The following TSPAN6 variants were observed in gnomAD, a reference collection of about 807,000 sequenced individuals.
TSPAN6 encodes the protein tetraspanin-6.
TSPAN6 carries 13 observed loss-of-function variants against 18.0 expected under a neutral mutation model. The ratio of observed to expected loss-of-function variants is 0.72; its 90% CI spans 0.47 to 1.15. TSPAN6 has a LOEUF of 1.15. TSPAN6 is among the 50% of genes most tolerant of loss of function. The pLI is 0.00. For missense variants in TSPAN6, 186 were observed against 183.9 expected, an observed-to-expected ratio of 1.01 and a Z score of -0.07; for synonymous variants, 82 against 67.0, an observed-to-expected ratio of 1.22 and a Z score of -1.09.
At chrX:100,632,708 G>A (rs1035913819) in intron 5 of TSPAN6, 140 bp from the exon 6 acceptor site, 29 of 447,244 alleles carry the variant, frequency 6.5e-5, no homozygotes, top group African/African-American at 6.4e-4. Context: ...TACCTCTGCA[G>A]AAAGATGTAT....
intron 6 of TSPAN6, chrX:100,632,170 C>G: frequency 9.4e-6 from 2 of 213,806 alleles, no homozygotes; most frequent in Non-Finnish European, 1.7e-5. Context: ...TTTGGGAGGC[C>G]GAGGAGGGCG....
chrX:100,634,789 G>A (rs1602707882), intron 3 of TSPAN6, among the ~76,000 whole-genome samples: 2 of 111,826 alleles, frequency 1.8e-5, no homozygotes, highest in East Asian at 2.8e-4. Flanking sequence ...GTGAGCCAAC[G>A]CGCCCGGCCC....
intron 1 of TSPAN6, chrX:100,636,234 C>T: frequency 2.5e-6 from 2 of 812,012 alleles, no homozygotes; most frequent in Non-Finnish European, 3.0e-6. Flanking sequence ...AAGAAAGACA[C>T]TATTATGCAA....
intron 1 of TSPAN6, 26 bp from the exon 2 acceptor site, chrX:100,635,772 A>T: frequency 9.1e-7 from 1 of 1,095,513 alleles, no homozygotes; most frequent in African/African-American, 1.8e-5. Context: ...GAGAATACAA[A>T]CAGTTACGCA....
chrX:100,630,844 T>C lies in TSPAN6; in HGVS notation c.692A>G (p.Tyr231Cys). ...ATTTGTTATGGCACGAGAGAGGCAG[T>C]AGGCGAGAAAGATTCCAATCAGCTA... ...CFQLIGIFLA[Y>C]CLSRAITNNQ... Residue 231 changes from tyrosine to cysteine, a missense_variant, in exon 7 of 8, where the codon TAC becomes TGC. Tyr to Cys is a radical substitution (Grantham distance 194). Transcript: ENST00000373020. The C allele has an allele frequency of 1.7e-6, 2 of 1,209,294 alleles. No homozygotes were observed. The highest frequency in any genetic ancestry group is 2.2e-6 in the Non-Finnish European group (2 of 893,254).
Position 100,635,232 on chromosome X carries a change from G to A in TSPAN6, c.297C>T (p.Leu99=), listed in dbSNP as rs1237433998. Residue 99 remains leucine (L), a synonymous_variant, in exon 3 of 8, where the codon CTC becomes CTT. Transcript: ENST00000373020. ...MLKLYAMFLT[L]VFLVELVAAI... is the part of the protein sequence containing the mutation. ...CAGCGACCAGTTCGACCAAAAAAACGAGAGTCAGAAACATTGCATACTGCA... is the reference window on the plus strand; with the variant it reads ...CAGCGACCAGTTCGACCAAAAAAACAAGAGTCAGAAACATTGCATACTGCA... The A allele has an allele frequency of 2.5e-6, 3 of 1,196,136 alleles. No homozygotes were observed. Among genetic ancestry groups the A allele is most frequent in the East Asian group, 3.1e-5 (1 of 32,660 alleles).
chrX:100,630,885 C>T lies in TSPAN6; in HGVS notation c.670-19G>A. The T allele has an allele frequency of 8.9e-7, 1 of 1,121,512 alleles. No homozygotes were observed. Among genetic ancestry groups the T allele is most frequent in the Non-Finnish European group, 1.2e-6 (1 of 814,845 alleles). The allele number at this position is 1,121,512 out of a possible 1,213,427, so 92.4% of individuals were successfully genotyped here. A position where few individuals can be genotyped will look rare whatever the true frequency, so the allele number is the denominator to read the frequency against. On this transcript the variant is annotated intron_variant, in intron 6 of 7. Transcript: ENST00000373020. ...CAATCAGCTAGAAATAAAATAGGAA[C>T]AAAATTAAATACATACACAAAAGAA...
At chrX:100,633,798 T>A in intron 4 of TSPAN6, 133 bp downstream of exon 4, 1 of 513,758 alleles carries the variant, frequency 1.9e-6, no homozygotes, top group Non-Finnish European at 3.2e-6. Flanking sequence ...AGAGAACAGG[T>A]GCACATGTGA....
intron 5 of TSPAN6, 41 bp from the exon 6 acceptor site, chrX:100,632,609 C>A (rs1189699534): frequency 1.1e-6 from 1 of 943,727 alleles, no homozygotes; most frequent in South Asian, 2.2e-5. Flanking sequence ...ACAGCACAAG[C>A]AGCCTGTGCT....
At chrX:100,633,641 A>C (rs1048110824) in intron 4 of TSPAN6, 102 bp from the exon 5 acceptor site, 2 of 833,757 alleles carry the variant, frequency 2.4e-6, no homozygotes, top group African/African-American at 2.1e-5. Flanking sequence ...AACATTTACT[A>C]ATCTCAATGA....
intron 6 of TSPAN6, 41 bp from the exon 7 acceptor site, chrX:100,630,907 AGAACTT>A: frequency 9.8e-7 from 1 of 1,022,441 alleles, no homozygotes; most frequent in Non-Finnish European, 1.4e-6. Context: ...CATACACAAA[AGAACTT>A]GAACACCTCA....
chrX:100,633,590 A>C, intron 4 of TSPAN6, 51 bp from the exon 5 acceptor site: 1 of 1,115,633 alleles, frequency 9.0e-7, no homozygotes, highest in Non-Finnish European at 1.2e-6. Flanking sequence ...CTTTGTAGTC[A>C]AACATTTAAC....
chrX:100,632,950 T>C (rs923449367), intron 5 of TSPAN6, among the ~76,000 whole-genome samples: 19 of 111,090 alleles, frequency 1.7e-4, no homozygotes, highest in African/African-American at 5.9e-4. Flanking sequence ...AAATAATAAA[T>C]AAACAAAAAA....
At position 100,633,442 on chromosome X, in the gene TSPAN6, C is replaced by T. The variant is rs1296844926; in HGVS notation, c.548G>A (p.Cys183Tyr). ...FPKSCCKLED[C>Y]TPQRDADKVN... The stretch of plus-strand genomic sequence containing the variant: ...TTTGTCTGCATCTCTCTGTGGAGTA[C>T]AATCTTCAAGTTTACAGCAACTCTT... Residue 183 changes from cysteine (C) to tyrosine (Y), a missense_variant, in exon 5 of 8, where the codon TGT becomes TAT. Transcript: ENST00000373020. 1.7e-6 allele frequency: 2 copies of T among 1,207,307 alleles called. No individual in the cohort carries two copies. Among genetic ancestry groups the T allele is most frequent in the Non-Finnish European group, 2.2e-6 (2 of 893,357 alleles).
At chrX:100,633,702 C>A (rs1319575233) in intron 4 of TSPAN6, among the ~76,000 whole-genome samples, 163 bp from the exon 5 acceptor site, 1 of 110,577 alleles carries the variant, frequency 9.0e-6, no homozygotes, top group Non-Finnish European at 1.9e-5. Context: ...CTGATTAGCA[C>A]CATGCATGAC....
chrX:100,633,932 G>A lies in TSPAN6; in HGVS notation c.449C>T (p.Thr150Met), dbSNP rs185080406. ...CTCTAGGTGGTGGTTACCACTTACC[G>A]TATTTTGGATCTTGTCTACTGCATG... ...RSHAVDKIQN[T>M]LHCCGVTDYR... Residue 150 changes from threonine to methionine, a missense_variant and splice_region_variant, in exon 4 of 8, where the codon ACG becomes ATG. Physicochemically the swap from Thr to Met is moderately conservative, Grantham distance 81. Coordinates refer to ENST00000373020, the MANE Select transcript of TSPAN6 (RefSeq NM_003270.4). 17 of 1,180,531 alleles carry A rather than the reference G, an allele frequency of 1.4e-5. No individual in the cohort carries two copies. Among genetic ancestry groups the A allele is most frequent in the East Asian group, 6.0e-5 (2 of 33,493 alleles).
At chrX:100,632,388 C>T (rs2083065659) in intron 6 of TSPAN6, 97 bp downstream of exon 6, 2 of 635,235 alleles carry the variant, frequency 3.1e-6, no homozygotes, top group Non-Finnish European at 4.9e-6. Context: ...GCCTGGCAAC[C>T]GAGCAAGACT....
At position 100,636,765 on chromosome X, in the gene TSPAN6, G is replaced by A; in HGVS notation, c.-71C>T. 9.2e-7 allele frequency: 1 copy of A among 1,087,964 alleles called. No homozygotes were observed. Among genetic ancestry groups the A allele is most frequent in the East Asian group, 3.4e-5 (1 of 29,402 alleles). The allele number at this position is 1,087,964 out of a possible 1,213,427, so 89.7% of individuals were successfully genotyped here. Reference sequence around the variant, plus strand: ...AGAGAGCGAGACGCGGAGTCCCCGAGTCTCCCCGGAAACTGCCGAAAACTT... The same window carrying A: ...AGAGAGCGAGACGCGGAGTCCCCGAATCTCCCCGGAAACTGCCGAAAACTT... On this transcript the variant is annotated 5_prime_UTR_variant, in exon 1 of 8. Transcript: ENST00000373020.
intron 6 of TSPAN6, among the ~76,000 whole-genome samples, chrX:100,631,660 C>T (rs1195481607): frequency 9.0e-6 from 1 of 110,914 alleles, no homozygotes; most frequent in East Asian, 2.8e-4. Context: ...GTATACAACT[C>T]ATCAGGCAGT....
Sources: allele counts gnomAD v4.1 joint callset (sites outside exome capture counted in the v4.1 genomes callset), GRCh38; gene constraint gnomAD v4.1.1; transcripts MANE v1.5; gene names NCBI Gene and HGNC (gene_info 2026-07-23, HGNC 2026-07-21).